Variants in EXOSC7 observed in about 807,000 individuals in gnomAD.
The protein encoded by EXOSC7 is exosome component 7, also known as exosome complex component RRP42.
EXOSC7 carries 25 observed loss-of-function variants against 34.3 expected under a neutral mutation model. That is an observed-to-expected ratio of 0.73 (90% confidence interval 0.53 to 1.02). The LOEUF is 1.02. Among genes scored for constraint, EXOSC7 ranks in the 50% least tolerant of loss-of-function variants. The probability of loss-of-function intolerance (pLI) is 0.00; values close to 1 mark genes in which losing one functional copy is unlikely to be tolerated. For synonymous variants in EXOSC7, 130 were observed against 143.0 expected (o/e 0.91, Z 0.65); for missense variants, 370 against 368.5 (o/e 1.00, Z -0.03).
intron 6 of EXOSC7, among the ~76,000 whole-genome samples, chr3:45,006,404 GTTTTTTTTTTTT>G (rs545281987): frequency 4.9e-5 from 3 of 61,708 alleles, no homozygotes; most frequent in South Asian, 9.4e-4. Flanking sequence ...TTGTTTATTT[GTTTTTTTTTTTT>G]TTTTTTTTTT....
intron 4 of EXOSC7, among the ~76,000 whole-genome samples, chr3:44,998,911 G>A (rs1034567537): frequency 1.3e-5 from 2 of 152,154 alleles, no homozygotes; most frequent in Non-Finnish European, 2.9e-5. Flanking sequence ...GTTGCCCAGG[G>A]AGGTGCAGCC....
At chr3:44,993,285 A>G (rs1039082524) in intron 3 of EXOSC7, among the ~76,000 whole-genome samples, 1 of 152,160 alleles carries the variant, frequency 6.6e-6, no homozygotes, top group Non-Finnish European at 1.5e-5. Flanking sequence ...ACATGAGCAC[A>G]TGTACACTCA....
chr3:45,008,950 C>T (rs1486186749), intron 7 of EXOSC7, among the ~76,000 whole-genome samples: 2 of 152,240 alleles, frequency 1.3e-5, no homozygotes, highest in African/African-American at 4.8e-5. Context: ...TAGTCCTCAA[C>T]AACCTGTGAG....
At chr3:44,984,936 G>A (rs1178760611) in intron 1 of EXOSC7, among the ~76,000 whole-genome samples, 1 of 152,244 alleles carries the variant, frequency 6.6e-6, no homozygotes, top group Non-Finnish European at 1.5e-5. Flanking sequence ...CTAATCCAGA[G>A]AGGGAAGGGG....
intron 1 of EXOSC7, among the ~76,000 whole-genome samples, chr3:44,979,687 C>A (rs1706225211): frequency 1.3e-5 from 2 of 152,116 alleles, no homozygotes; most frequent in African/African-American, 4.8e-5. Context: ...CTTCCCAGTT[C>A]CTCTGTAAAA....
chr3:44,986,958 A>G (rs1037814358), intron 1 of EXOSC7, among the ~76,000 whole-genome samples: 2 of 152,076 alleles, frequency 1.3e-5, no homozygotes, highest in African/African-American at 2.4e-5. Flanking sequence ...GGAAGCATCA[A>G]CTCCTTGGAG....
At position 44,994,856 on chromosome 3, in the gene EXOSC7, G is replaced by GGTGTGTGTGT. The variant is rs34579096; in HGVS notation, c.255-2190_255-2181dup. On this transcript the variant is annotated intron_variant, in intron 3 of 7. Transcript: ENST00000265564. ...GACTGCTGGCTATGGTGGAAGAATG[G>GGTGTGTGTGT]GTGTGTGTGTGTGTGTGTGTGTGTG... is the stretch of plus-strand genomic sequence containing the variant. Among the ~76,000 whole-genome samples, 254 of 134,942 alleles carry GGTGTGTGTGT rather than the reference G, an allele frequency of 1.9e-3. 1 individual carries two copies. Among genetic ancestry groups the GGTGTGTGTGT allele is most frequent in the South Asian group, 3.0e-3 (12 of 3,990 alleles). The allele number at this position is 134,942 out of a possible 152,430, so 88.5% of individuals were successfully genotyped here.
chr3:45,000,973 C>T (rs751499750), intron 4 of EXOSC7, among the ~76,000 whole-genome samples: 3 of 152,082 alleles, frequency 2.0e-5, no homozygotes, highest in Non-Finnish European at 4.4e-5. Context: ...GCATGGGCCA[C>T]GTAAGCACAG....
intron 1 of EXOSC7, among the ~76,000 whole-genome samples, chr3:44,977,751 CCT>C (rs1363490689): frequency 6.6e-6 from 1 of 152,196 alleles, no homozygotes; most frequent in Non-Finnish European, 1.5e-5. Flanking sequence ...TAACCGTTTT[CCT>C]CTAAATTTAA....
At chr3:44,988,630 C>T (rs1156854402) in intron 1 of EXOSC7, among the ~76,000 whole-genome samples, 1 of 152,132 alleles carries the variant, frequency 6.6e-6, no homozygotes, top group African/African-American at 2.4e-5. Flanking sequence ...GTTTGTTGAC[C>T]CTGTTCTAGA....
At chr3:44,996,413 G>GA (rs890820870) in intron 3 of EXOSC7, among the ~76,000 whole-genome samples, 4 of 150,892 alleles carry the variant, frequency 2.7e-5, no homozygotes, top group African/African-American at 7.3e-5. Flanking sequence ...GCCAAAAAGG[G>GA]AAAAAAAAAG....
intron 5 of EXOSC7, among the ~76,000 whole-genome samples, chr3:45,003,303 AG>A (rs1413010779): frequency 2.0e-5 from 3 of 151,528 alleles, no homozygotes; most frequent in East Asian, 1.9e-4. Context: ...TTGTAGCCAA[AG>A]GGTTGGGAAA....
chr3:45,009,668 C>T (rs1489092804), intron 7 of EXOSC7, among the ~76,000 whole-genome samples: 3 of 152,018 alleles, frequency 2.0e-5, no homozygotes, highest in Non-Finnish European at 2.9e-5. Flanking sequence ...GCCTCAGCTT[C>T]CCGAGTAGCT....
At position 44,989,226 on chromosome 3, in the gene EXOSC7, C is replaced by T. The variant is rs139012938; in HGVS notation, c.144C>T (p.Ser48=). 2.9e-5 allele frequency: 47 copies of T among 1,613,580 alleles called. No individual in the cohort carries two copies. The highest frequency in any genetic ancestry group is 1.6e-4 in the East Asian group (7 of 44,886). The change falls in exon 2 of 8, where the codon TCC becomes TCT. Residue 48 remains serine (S), a synonymous_variant. Transcript: ENST00000265564. ...ATGTGGTGTCCAACACTAGTGGGTCCGCCAGGGTCAAGCTGGTGAGTACTG... is the reference window on the plus strand; with the variant it reads ...ATGTGGTGTCCAACACTAGTGGGTCTGCCAGGGTCAAGCTGGTGAGTACTG... The part of the protein sequence containing the change: ...ETDVVSNTSG[S]ARVKLGHTDI...
Position 44,989,647 on chromosome 3 carries a change from C to T in EXOSC7, c.254+3C>T. On this transcript the variant is annotated splice_donor_region_variant and intron_variant, in intron 3 of 7. Coordinates refer to ENST00000265564, the MANE Select transcript of EXOSC7 (RefSeq NM_015004.4). ...TACTTGGAGTTCTTTGTTGACTGGTCAGTACTGTCTATGCAGATATTTCTA... is the reference window on the plus strand; with the variant it reads ...TACTTGGAGTTCTTTGTTGACTGGTTAGTACTGTCTATGCAGATATTTCTA... The T allele has an allele frequency of 1.3e-6, 2 of 1,591,468 alleles. No individual in the cohort carries two copies. Among genetic ancestry groups the T allele is most frequent in the Non-Finnish European group, 1.7e-6 (2 of 1,159,602 alleles).
downstream of EXOSC7, chr3:45,012,461 G>C (rs1383365590): frequency 2.0e-5 from 3 of 152,216 alleles, no homozygotes; most frequent in African/African-American, 7.2e-5. Flanking sequence ...CTTCTGCCCT[G>C]TTGAGAGCAT....
At chr3:45,002,865 G>A (rs1457958407) in intron 5 of EXOSC7, among the ~76,000 whole-genome samples, 2 of 152,190 alleles carry the variant, frequency 1.3e-5, no homozygotes, top group Non-Finnish European at 2.9e-5. Flanking sequence ...CTTGGCCACC[G>A]TGGGAGCTTG....
rs1443410474 is a variant in EXOSC7, at chr3:45,005,326, G to GA, written c.527_528insA (p.Ser177ValfsTer5). On this transcript the variant is annotated frameshift_variant, in exon 6 of 8. Transcript: ENST00000265564. LOFTEE classifies it high-confidence loss of function. ...GTTCGAGTTTTGGAGGATGAAGAGG[G>GA]GTCGAAGGACATTGAATTGTCAGAT... The GA allele has an allele frequency of 6.2e-7, 1 of 1,614,094 alleles. No individual in the cohort carries two copies. Among genetic ancestry groups the GA allele is most frequent in the Non-Finnish European group, 8.5e-7 (1 of 1,179,990 alleles).
chr3:44,998,722 A>G (rs1433968784), intron 4 of EXOSC7, among the ~76,000 whole-genome samples: 1 of 152,260 alleles, frequency 6.6e-6, no homozygotes, highest in Admixed American at 6.5e-5. Flanking sequence ...CAATGCTACC[A>G]CTAATAGGTA....
Sources: allele counts gnomAD v4.1 joint callset (sites outside exome capture counted in the v4.1 genomes callset), GRCh38; gene constraint gnomAD v4.1.1; transcripts MANE v1.5; gene names NCBI Gene and HGNC (gene_info 2026-07-23, HGNC 2026-07-21).